Variants in COP1 observed in about 807,000 individuals in gnomAD.
COP1 encodes the protein COP1 E3 ubiquitin ligase, also known as E3 ubiquitin-protein ligase COP1.
A neutral mutation model predicts 101.3 loss-of-function variants in COP1; 24 were observed. The observed-to-expected ratio is 0.24, with a 90% CI of 0.17 to 0.33. The LOEUF is 0.33. COP1 is among the 10% of genes least tolerant of loss of function. The pLI is 1.00. For synonymous variants in COP1, 347 were observed against 341.9 expected (o/e 1.01, Z -0.17); for missense variants, 663 against 906.2 (o/e 0.73, Z 3.45).
At chr1:175,948,388 G>C (rs1447971333) in intron 18 of COP1, among the ~76,000 whole-genome samples, 1 of 152,238 alleles carries the variant, frequency 6.6e-6, no homozygotes, top group Admixed American at 6.5e-5. Context: ...CCAGGTGGCA[G>C]AGAGAAAAAC....
chr1:176,153,587 T>C (rs1226774498), intron 5 of COP1, among the ~76,000 whole-genome samples: 1 of 152,194 alleles, frequency 6.6e-6, no homozygotes, highest in Non-Finnish European at 1.5e-5. Flanking sequence ...TTTCTTTCTA[T>C]GCTTGACTGC....
intron 5 of COP1, among the ~76,000 whole-genome samples, chr1:176,152,434 A>G (rs1436355375): frequency 6.6e-6 from 1 of 152,058 alleles, no homozygotes; most frequent in African/African-American, 2.4e-5. Flanking sequence ...GTAAATTAGA[A>G]GTAATTATTA....
At chr1:176,147,783 G>T (rs1691788678) in intron 6 of COP1, among the ~76,000 whole-genome samples, 1 of 152,210 alleles carries the variant, frequency 6.6e-6, no homozygotes, top group Admixed American at 6.5e-5. Flanking sequence ...GCCAAATGAA[G>T]ATCACACGGA....
rs146376941 is a variant in COP1 at position 175,992,971 on chromosome 1, C to T, written c.1730-3492G>A. Reference sequence around the variant, plus strand: ...GGGTCCCTGACCCCTGACCCCCAAGCAGCCTAACTAGGAGGCACCACCCAG... The same window carrying T: ...GGGTCCCTGACCCCTGACCCCCAAGTAGCCTAACTAGGAGGCACCACCCAG... On this transcript the variant is annotated intron_variant, in intron 15 of 19. Coordinates refer to ENST00000367669, the MANE Select transcript of COP1 (RefSeq NM_022457.7). Among the ~76,000 whole-genome samples the T allele has an allele frequency of 2.7e-3, 406 of 152,304 alleles. 5 individuals carry two copies. The highest frequency in any genetic ancestry group is 9.4e-3 in the African/African-American group (391 of 41,574).
intron 15 of COP1, among the ~76,000 whole-genome samples, chr1:176,013,799 T>C (rs924435094): frequency 5.9e-5 from 9 of 152,332 alleles, no homozygotes; most frequent in African/African-American, 2.2e-4. Flanking sequence ...GCAGAAAAAA[T>C]TAAAATTCCA....
intron 18 of COP1, among the ~76,000 whole-genome samples, chr1:175,956,399 A>G (rs1216002962): frequency 6.6e-6 from 1 of 152,180 alleles, no homozygotes; most frequent in South Asian, 2.1e-4. Flanking sequence ...ACATACATGT[A>G]AAAGCTGAAA....
chr1:176,115,477 G>A (rs528263584), intron 9 of COP1, among the ~76,000 whole-genome samples: 7 of 151,638 alleles, frequency 4.6e-5, no homozygotes, highest in Non-Finnish European at 8.8e-5. Context: ...GGCTGAGCAC[G>A]CTGGCTCACG....
chr1:175,990,260 G>A (rs1658077870), intron 15 of COP1, among the ~76,000 whole-genome samples: 2 of 152,010 alleles, frequency 1.3e-5, no homozygotes, highest in African/African-American at 2.4e-5. Flanking sequence ...ATGTCTCAAA[G>A]TAACTATTGT....
At chr1:176,205,279 T>C (rs1572847003) in intron 1 of COP1, among the ~76,000 whole-genome samples, 1 of 152,224 alleles carries the variant, frequency 6.6e-6, no homozygotes, top group East Asian at 1.9e-4. Flanking sequence ...AAACTGCTTA[T>C]TTATAAATAA....
intron 5 of COP1, among the ~76,000 whole-genome samples, chr1:176,162,229 T>C (rs908392942): frequency 8.5e-5 from 13 of 152,214 alleles, no homozygotes; most frequent in Admixed American, 5.2e-4. Context: ...CTCACTCACT[T>C]ACTGTCTCAA....
At chr1:176,122,834 T>C (rs1304521611) in intron 8 of COP1, among the ~76,000 whole-genome samples, 1 of 152,146 alleles carries the variant, frequency 6.6e-6, no homozygotes, top group Non-Finnish European at 1.5e-5. Flanking sequence ...CTAGCAGATA[T>C]AAAAAGCAAG....
At chr1:175,964,932 T>C (rs908171363) in intron 18 of COP1, among the ~76,000 whole-genome samples, 4 of 152,228 alleles carry the variant, frequency 2.6e-5, no homozygotes, top group African/African-American at 7.2e-5. Flanking sequence ...GGCATTCTCT[T>C]TATGAACACA....
chr1:176,202,171 T>C (rs941184125), intron 1 of COP1, among the ~76,000 whole-genome samples: 12 of 149,606 alleles, frequency 8.0e-5, no homozygotes, highest in Non-Finnish European at 1.5e-4. Flanking sequence ...GATTCTATGA[T>C]ACGTTCTAGT....
chr1:175,974,942 A>C lies in COP1; in HGVS notation c.2133+12001T>G, dbSNP rs909059403. On this transcript the variant is annotated intron_variant, in intron 18 of 19. Coordinates refer to ENST00000367669, the MANE Select transcript of COP1 (RefSeq NM_022457.7). ...TGTCTCAAAAAAAAAAAAAAAAAAA[A>C]CCCACAAAGAAAACCCCCCAAAATT... is the stretch of plus-strand genomic sequence containing the variant. Among the ~76,000 whole-genome samples, 496 of 138,066 alleles carry C rather than the reference A, an allele frequency of 3.6e-3. 5 individuals are homozygous for C. The highest frequency in any genetic ancestry group is 0.012 in the African/African-American group (466 of 38,784). The allele number at this position is 138,066 out of a possible 152,430, so 90.6% of individuals were successfully genotyped here. A position where few individuals can be genotyped will look rare whatever the true frequency, so the allele number is the denominator to read the frequency against.
chr1:176,189,147 T>G (rs12143425), intron 1 of COP1, among the ~76,000 whole-genome samples: 9,967 of 152,042 alleles, frequency 0.066, 450 homozygotes, highest in Non-Finnish European at 0.087. Context: ...GAAAGACACA[T>G]TACATGCAGA....
At chr1:176,003,772 A>G (rs923086212) in intron 15 of COP1, among the ~76,000 whole-genome samples, 3 of 151,014 alleles carry the variant, frequency 2.0e-5, no homozygotes, top group Admixed American at 6.6e-5. Flanking sequence ...TATAGTTTGA[A>G]GTCAGGTAGT....
intron 8 of COP1, among the ~76,000 whole-genome samples, chr1:176,119,266 G>C (rs575728828): frequency 5.9e-4 from 90 of 152,286 alleles, no homozygotes; most frequent in Admixed American, 2.4e-3. Flanking sequence ...CTTAGTGTTT[G>C]TATAACACTA....
At chr1:176,141,093 G>T (rs2149774867) in intron 6 of COP1, among the ~76,000 whole-genome samples, 1 of 152,286 alleles carries the variant, frequency 6.6e-6, no homozygotes, top group South Asian at 2.1e-4. Context: ...ATATGCTTAA[G>T]CATTAAACTC....
At chr1:176,120,854 T>C (rs1025033325) in intron 8 of COP1, among the ~76,000 whole-genome samples, 1 of 152,088 alleles carries the variant, frequency 6.6e-6, no homozygotes, top group African/African-American at 2.4e-5. Context: ...AAAAGAATGG[T>C]TTAAATTTAA....
Sources: gnomAD v4.1 joint callset for allele counts (sites outside exome capture counted in the v4.1 genomes callset) on GRCh38, gnomAD v4.1.1 for gene constraint, MANE v1.5 for transcripts, NCBI Gene and HGNC (gene_info 2026-07-23, HGNC 2026-07-21) for gene names.